PHKA1: variants seen among roughly 807,000 people sequenced by gnomAD.
PHKA1 encodes phosphorylase b kinase regulatory subunit alpha, skeletal muscle isoform.
PHKA1 carries 60 observed loss-of-function variants against 110.2 expected under a neutral mutation model. The ratio of observed to expected loss-of-function variants is 0.54; its 90% CI spans 0.44 to 0.68. The LOEUF is 0.68. Among genes scored for constraint, PHKA1 ranks in the 30% least tolerant of loss-of-function variants. The probability of loss-of-function intolerance (pLI) is 0.00; values close to 1 mark genes in which losing one functional copy is unlikely to be tolerated. For missense variants in PHKA1, 801 were observed against 942.5 expected (o/e 0.85, Z 1.97); for synonymous variants, 316 against 333.6 (o/e 0.95, Z 0.58).
chrX:72,680,650 C>A (rs1393612426), intron 5 of PHKA1, among the ~76,000 whole-genome samples: 4 of 109,120 alleles, frequency 3.7e-5, no homozygotes, highest in Non-Finnish European at 5.7e-5. Context: ...CGCTGCGCTG[C>A]GGCCCGGGGC....
At chrX:72,618,228 C>T (rs781835169) in intron 21 of PHKA1, among the ~76,000 whole-genome samples, 9 of 111,669 alleles carry the variant, frequency 8.1e-5, no homozygotes, top group Non-Finnish European at 1.3e-4. Context: ...TTTGTGTAAG[C>T]TTGTGGGGTT....
intron 29 of PHKA1, among the ~76,000 whole-genome samples, chrX:72,585,248 C>T (rs1301238543): frequency 9.0e-6 from 1 of 110,677 alleles, no homozygotes; most frequent in Non-Finnish European, 1.9e-5. Context: ...TACAGCAGTC[C>T]AAAATGCAAG....
At chrX:72,684,699 A>C (rs2053948684) in intron 4 of PHKA1, 119 bp from the exon 5 acceptor site, 1 of 506,449 alleles carries the variant, frequency 2.0e-6, no homozygotes, top group African/African-American at 2.3e-5. Flanking sequence ...GCCTAGGAAC[A>C]ATGGAAGGCA....
intron 2 of PHKA1, chrX:72,707,733 A>G (rs1349808752): frequency 9.0e-6 from 1 of 110,536 alleles, no homozygotes; most frequent in East Asian, 2.8e-4. Flanking sequence ...GTATATGCAA[A>G]TATGTTTATT....
At chrX:72,676,258 G>A in intron 5 of PHKA1, 108 bp from the exon 6 acceptor site, 1 of 503,292 alleles carries the variant, frequency 2.0e-6, no homozygotes, top group Non-Finnish European at 3.4e-6. Flanking sequence ...TAACTAATTT[G>A]CCATATATAT....
intron 13 of PHKA1, among the ~76,000 whole-genome samples, chrX:72,647,658 A>G (rs2887426): frequency 0.23 from 25,657 of 110,495 alleles, 5,245 homozygotes; most frequent in East Asian, 0.68. Context: ...CTTGTATTTC[A>G]TCTATGGTAT....
chrX:72,634,796 C>A (rs2053210293), intron 16 of PHKA1, among the ~76,000 whole-genome samples: 1 of 111,848 alleles, frequency 8.9e-6, no homozygotes, highest in African/African-American at 3.2e-5. Flanking sequence ...TCTAAAGTAA[C>A]CACCAACCAA....
At chrX:72,592,740 C>T (rs1463932792) in intron 29 of PHKA1, among the ~76,000 whole-genome samples, 1 of 112,320 alleles carries the variant, frequency 8.9e-6, no homozygotes, top group African/African-American at 3.2e-5. Context: ...TAGCACGTTG[C>T]TACAAATAAC....
rs1449707341 is a variant in PHKA1 at position 72,626,998 on chromosome X, A to G, written c.1766T>C (p.Met589Thr). The G allele has an allele frequency of 1.1e-5, 13 of 1,207,571 alleles. No individual in the cohort carries two copies. The highest frequency in any genetic ancestry group is 1.5e-5 in the Non-Finnish European group (13 of 893,050). ...NSSILAALRK[M>T]QDGYFGGARV... is the part of the protein sequence containing the mutation. ...TGCCCCACCAAAATACCCATCTTGC[A>G]TTTTTCGGAGTGCTGCCAGGATACT... Residue 589 changes from methionine to threonine, a missense_variant, in exon 17 of 32, where the codon ATG becomes ACG. Coordinates refer to ENST00000373542, the MANE Select transcript of PHKA1 (RefSeq NM_002637.4).
intron 5 of PHKA1, among the ~76,000 whole-genome samples, chrX:72,682,186 C>T (rs1483180394): frequency 1.2e-4 from 11 of 88,806 alleles, no homozygotes; most frequent in Non-Finnish European, 1.8e-4. Flanking sequence ...CGGCCAGCCG[C>T]CCCGTCCGGG....
intron 28 of PHKA1, among the ~76,000 whole-genome samples, chrX:72,599,198 T>C (rs1556238507): frequency 8.9e-6 from 1 of 112,216 alleles, no homozygotes; most frequent in Non-Finnish European, 1.9e-5. Flanking sequence ...TTAACCTAAA[T>C]ACTAATATTG....
chrX:72,611,583 G>C (rs868922855), intron 21 of PHKA1, among the ~76,000 whole-genome samples: 50 of 112,050 alleles, frequency 4.5e-4, no homozygotes, highest in African/African-American at 1.5e-3. Context: ...ACTCCAACAT[G>C]TAGATTTAAA....
intron 29 of PHKA1, among the ~76,000 whole-genome samples, chrX:72,588,550 TAGC>T (rs1362656577): frequency 9.0e-6 from 1 of 111,310 alleles, no homozygotes; most frequent in East Asian, 2.8e-4. Context: ...ATGCAAAAGC[TAGC>T]AGAAGGTAAG....
intron 8 of PHKA1, among the ~76,000 whole-genome samples, chrX:72,665,938 C>A (rs2053611480): frequency 8.9e-6 from 1 of 111,781 alleles, no homozygotes; most frequent in African/African-American, 3.2e-5. Context: ...TAAGAAACTG[C>A]CAAACTGTTT....
chrX:72,668,768 A>G (rs936655225), intron 6 of PHKA1, among the ~76,000 whole-genome samples: 1 of 111,553 alleles, frequency 9.0e-6, no homozygotes, highest in Admixed American at 9.5e-5. Context: ...TCACATATAA[A>G]TACATTCATT....
At chrX:72,606,365 C>T (rs921676087) in intron 23 of PHKA1, among the ~76,000 whole-genome samples, 1 of 110,001 alleles carries the variant, frequency 9.1e-6, no homozygotes, top group Non-Finnish European at 1.9e-5. Context: ...CACACACACA[C>T]ACACACACAC....
intron 26 of PHKA1, among the ~76,000 whole-genome samples, chrX:72,602,827 G>A (rs782695415): frequency 8.9e-6 from 1 of 112,087 alleles, no homozygotes; most frequent in African/African-American, 3.2e-5. Context: ...AGTTTCAGAT[G>A]ATATGGGTTG....
chrX:72,682,934 T>TTA (rs1556317402), intron 5 of PHKA1, among the ~76,000 whole-genome samples: 63 of 63,832 alleles, frequency 9.9e-4, no homozygotes, highest in African/African-American at 3.5e-3. Context: ...AAAAATAAAT[T>TTA]AAAAAAAAAA....
intron 3 of PHKA1, 126 bp downstream of exon 3, chrX:72,705,072 T>G (rs1556331833): frequency 3.8e-6 from 2 of 520,315 alleles, no homozygotes; most frequent in Non-Finnish European, 6.5e-6. Flanking sequence ...TTTTCAAAAT[T>G]TTCTAAAATT....
Sources: allele counts gnomAD v4.1 joint callset (sites outside exome capture counted in the v4.1 genomes callset), GRCh38; gene constraint gnomAD v4.1.1; transcripts MANE v1.5; gene names NCBI Gene and HGNC (gene_info 2026-07-23, HGNC 2026-07-21).